CDH18: variants seen among roughly 807,000 people sequenced by gnomAD.
CDH18 encodes cadherin-18.
CDH18 carries 31 observed loss-of-function variants against 67.9 expected under a neutral mutation model. That is an observed-to-expected ratio of 0.46 (90% CI 0.34 to 0.62). The LOEUF is 0.62. CDH18 is among the 20% of genes least tolerant of loss of function. CDH18 has a pLI of 0.01. For missense variants in CDH18, 890 were observed against 975.5 expected (o/e 0.91, Z 1.17); for synonymous variants, 362 against 347.2 (o/e 1.04, Z -0.48).
At position 20,062,257 on chromosome 5, in the gene CDH18, A is replaced by G. The variant is rs2150510606; in HGVS notation, c.-517-70243T>C. Among the ~76,000 whole-genome samples, 3 of 151,490 alleles carry G rather than the reference A, an allele frequency of 2.0e-5. 1 individual carries two copies. The South Asian group carries it at 6.3e-4, about 32-fold the overall frequency. On this transcript the variant is annotated intron_variant, in intron 2 of 14. Transcript: ENST00000507958. ...CTGCTACCTCTGTCTCCCAGGTTCA[A>G]TGATTCTCCTGCCTCAGACTTCTGA...
chr5:19,864,752 C>A (rs903480622), intron 2 of CDH18, among the ~76,000 whole-genome samples: 41 of 152,050 alleles, frequency 2.7e-4, no homozygotes, highest in African/African-American at 8.2e-4. Context: ...CAGTTGTGGT[C>A]AAATGTAATC....
At chr5:20,384,814 T>C (rs1580875395) in intron 1 of CDH18, among the ~76,000 whole-genome samples, 1 of 152,138 alleles carries the variant, frequency 6.6e-6, no homozygotes, top group East Asian at 1.9e-4. Flanking sequence ...CTTGTTTGAC[T>C]ATATTAAGTA....
At chr5:19,642,878 T>C (rs540284190) in intron 5 of CDH18, among the ~76,000 whole-genome samples, 1 of 151,968 alleles carries the variant, frequency 6.6e-6, no homozygotes, top group Admixed American at 6.5e-5. Context: ...GAGAATGAAA[T>C]GACAACTTAG....
chr5:20,032,999 G>A (rs1487538486), intron 2 of CDH18, among the ~76,000 whole-genome samples: 1 of 151,882 alleles, frequency 6.6e-6, no homozygotes, highest in Non-Finnish European at 1.5e-5. Context: ...TACCAATGTT[G>A]AGATATTGTG....
intron 2 of CDH18, among the ~76,000 whole-genome samples, chr5:19,932,853 T>TG (rs933103194): frequency 6.6e-6 from 1 of 151,626 alleles, no homozygotes; most frequent in Non-Finnish European, 1.5e-5. Flanking sequence ...ATTGTGACAC[T>TG]GATAAAGTGC....
intron 5 of CDH18, among the ~76,000 whole-genome samples, chr5:19,623,550 C>T (rs1182708023): frequency 6.6e-6 from 1 of 151,802 alleles, no homozygotes; most frequent in African/African-American, 2.4e-5. Context: ...ACATATGATG[C>T]TTATTTATTC....
chr5:19,786,421 C>A (rs1775776974), intron 3 of CDH18, among the ~76,000 whole-genome samples: 1 of 152,058 alleles, frequency 6.6e-6, no homozygotes, highest in African/African-American at 2.4e-5. Context: ...TGCTTCACCT[C>A]CATTTTTAGG....
intron 1 of CDH18, chr5:20,305,114 C>T: frequency 1.3e-6 from 2 of 1,543,330 alleles, no homozygotes; most frequent in Non-Finnish European, 1.8e-6. Flanking sequence ...GCAAGAGAAC[C>T]AAAGGCTACC....
chr5:20,087,695 T>G (rs1376497310), intron 2 of CDH18, among the ~76,000 whole-genome samples: 1 of 151,762 alleles, frequency 6.6e-6, no homozygotes, highest in Non-Finnish European at 1.5e-5. Context: ...GCATGTACGT[T>G]TTTTAAATAT....
intron 1 of CDH18, among the ~76,000 whole-genome samples, chr5:20,260,794 G>A (rs79867359): frequency 0.039 from 5,974 of 152,210 alleles, 357 homozygotes; most frequent in East Asian, 0.28. Flanking sequence ...GGTCCTAAGG[G>A]CTACTTCTGG....
intron 2 of CDH18, among the ~76,000 whole-genome samples, chr5:20,241,888 A>ATG (rs1742944324): frequency 3.8e-5 from 3 of 78,338 alleles, no homozygotes; most frequent in African/African-American, 1.0e-4. Flanking sequence ...AAATATATAT[A>ATG]TATGTATATA....
At chr5:20,501,578 ATAT>A (rs1273810414) in intron 1 of CDH18, among the ~76,000 whole-genome samples, 1 of 12,434 alleles carries the variant, frequency 8.0e-5, no homozygotes, top group Non-Finnish European at 1.8e-4. Context: ...TAATATATAT[ATAT>A]TATATATATA....
chr5:20,405,721 G>T (rs1189608089), intron 1 of CDH18, among the ~76,000 whole-genome samples: 9 of 152,068 alleles, frequency 5.9e-5, no homozygotes, highest in East Asian at 1.9e-4. Context: ...AATCTACAAA[G>T]AACTCAAACA....
At chr5:19,758,074 A>G (rs796769348) in intron 3 of CDH18, among the ~76,000 whole-genome samples, 4 of 152,286 alleles carry the variant, frequency 2.6e-5, no homozygotes, top group African/African-American at 9.6e-5. Context: ...GGGTGGCAGG[A>G]GTGGAGACCA....
chr5:19,700,746 A>T (rs1448523980), intron 5 of CDH18, among the ~76,000 whole-genome samples: 1 of 152,152 alleles, frequency 6.6e-6, no homozygotes, highest in African/African-American at 2.4e-5. Flanking sequence ...ATGTATTTGT[A>T]TCTAAACATT....
rs185204801 is a variant in CDH18, at chr5:19,810,096, G to T, written c.228+28663C>A. Among the ~76,000 whole-genome samples, 22 of 152,252 alleles carry T rather than the reference G, an allele frequency of 1.4e-4. No homozygotes were observed. In the East Asian group the frequency reaches 4.1e-3, roughly 28 times the overall value. ...TGTAATCCCAGCACTTTGGGATGCC[G>T]AGGTGAGCGGATCACTTGAGGTCAG... On this transcript the variant is annotated intron_variant, in intron 3 of 12. Transcript: ENST00000382275.
intron 1 of CDH18, among the ~76,000 whole-genome samples, chr5:20,482,120 G>T (rs769749679): frequency 2.0e-5 from 3 of 151,834 alleles, no homozygotes; most frequent in Admixed American, 6.6e-5. Context: ...GATTGAAACT[G>T]CAGAAATTCA....
At chr5:20,016,760 C>G (rs551067288) in intron 2 of CDH18, among the ~76,000 whole-genome samples, 1 of 152,168 alleles carries the variant, frequency 6.6e-6, no homozygotes, top group South Asian at 2.1e-4. Context: ...GTTTTGTAAA[C>G]CTCTAGGCAT....
chr5:20,341,263 G>A (rs1359181552), intron 1 of CDH18, among the ~76,000 whole-genome samples: 2 of 152,074 alleles, frequency 1.3e-5, no homozygotes, highest in Non-Finnish European at 2.9e-5. Context: ...AATCGGGTGA[G>A]CACCATCAAA....
Sources: allele counts gnomAD v4.1 joint callset (sites outside exome capture counted in the v4.1 genomes callset), GRCh38; gene constraint gnomAD v4.1.1; transcripts MANE v1.5; gene names NCBI Gene and HGNC (gene_info 2026-07-23, HGNC 2026-07-21).